The following PIGK variants were observed in gnomAD, a reference collection of about 807,000 sequenced individuals.
PIGK encodes GPI-anchor transamidase.
In PIGK, 42 loss-of-function variants were observed where a neutral mutation model predicts 50.6. The observed-to-expected ratio is 0.83, with a 90% CI of 0.65 to 1.07. The LOEUF (loss-of-function observed/expected upper bound fraction) is 1.07, where lower values mean the gene tolerates loss of function less well. PIGK is among the 50% of genes least tolerant of loss of function. The pLI, the probability that PIGK is intolerant of heterozygous loss-of-function variation, is 0.00. For missense variants in PIGK, 448 were observed against 488.7 expected, an observed-to-expected ratio of 0.92 and a Z score of 0.78; for synonymous variants, 151 against 156.0, an observed-to-expected ratio of 0.97 and a Z score of 0.24.
Position 77,161,614 on chromosome 1 carries a change from CT to C in PIGK, c.681del (p.Val228TrpfsTer41). The part of the protein sequence containing the change: ...SPNIMALASS[Q>X]VGEDSLSHQP... ...CATACCGAGAGTGAATCTTCTCCCACTTGACTACTAGCTAGAGCCATTATGT... is the reference window on the plus strand; with the variant it reads ...CATACCGAGAGTGAATCTTCTCCCACTGACTACTAGCTAGAGCCATTATGT... On this transcript the variant is annotated frameshift_variant, in exon 7 of 11. Transcript: ENST00000370812. LOFTEE classifies it high-confidence loss of function. The C allele has an allele frequency of 6.6e-7, 1 of 1,510,600 alleles. No individual in the cohort carries two copies. The highest frequency in any genetic ancestry group is 9.2e-7 in the Non-Finnish European group (1 of 1,085,518). 93.6% of individuals were successfully genotyped at this position (1,510,600 alleles called of 1,614,324 possible). A position where few individuals can be genotyped will look rare whatever the true frequency, so the allele number is the denominator to read the frequency against.
chr1:77,197,585 A>T (rs17100022), intron 3 of PIGK, among the ~76,000 whole-genome samples: 17,215 of 152,214 alleles, frequency 0.11, 1,325 homozygotes, highest in African/African-American at 0.21. Context: ...TTCTCGTCAC[A>T]TATATGCTTT....
At chr1:77,206,799 T>A (rs537178394) in intron 2 of PIGK, 68 bp from the exon 3 acceptor site, 171 of 914,520 alleles carry the variant, frequency 1.9e-4, no homozygotes, top group Non-Finnish European at 2.7e-4. Flanking sequence ...AGAGTATTTT[T>A]CTTTAAGTAG....
chr1:77,096,361 G>C (rs1219318190), intron 10 of PIGK, among the ~76,000 whole-genome samples: 4 of 152,108 alleles, frequency 2.6e-5, no homozygotes, highest in African/African-American at 9.7e-5. Context: ...GAAGCTGTCA[G>C]CAAGAGGTAG....
intron 3 of PIGK, among the ~76,000 whole-genome samples, chr1:77,199,837 A>G (rs911200948): frequency 3.9e-5 from 6 of 152,028 alleles, no homozygotes; most frequent in African/African-American, 1.4e-4. Context: ...TAACATTTAC[A>G]ATTAGAAAAT....
chr1:77,188,330 C>T lies in PIGK; in HGVS notation c.239+18310G>A, dbSNP rs79937013. 8.6e-5 allele frequency among the ~76,000 whole-genome samples: 13 copies of T among 152,040 alleles called. No homozygotes were observed. In the East Asian group the frequency reaches 1.9e-3, roughly 23 times the overall value. ...CTGGAGGTATAGGCTTATAAACAGC[C>T]CCCCCAGGTGCGCCTGTCTCTTATG... On this transcript the variant is annotated intron_variant, in intron 3 of 10. Coordinates refer to ENST00000370812, the MANE Select transcript of PIGK (RefSeq NM_005482.3).
chr1:77,095,775 G>C (rs1398287796), intron 10 of PIGK, among the ~76,000 whole-genome samples: 1 of 152,036 alleles, frequency 6.6e-6, no homozygotes, highest in East Asian at 1.9e-4. Context: ...GATGATCCTA[G>C]TTTAAGCCAC....
intron 6 of PIGK, among the ~76,000 whole-genome samples, chr1:77,162,458 G>A (rs1158905234): frequency 6.6e-6 from 1 of 152,116 alleles, no homozygotes; most frequent in Non-Finnish European, 1.5e-5. Flanking sequence ...GGAGAATGGA[G>A]GGAAATTGGT....
intron 2 of PIGK, 61 bp from the exon 3 acceptor site, chr1:77,206,792 G>GT (rs1258079657): frequency 3.1e-6 from 3 of 980,196 alleles, no homozygotes; most frequent in Non-Finnish European, 4.9e-6. Flanking sequence ...GAGCTGCAGA[G>GT]TATTTTTCTT....
At chr1:77,163,739 T>C in intron 6 of PIGK, 107 bp downstream of exon 6, 1 of 641,820 alleles carries the variant, frequency 1.6e-6, no homozygotes. Context: ...GTCAAAGAAA[T>C]TGTCAAAATA....
chr1:77,127,557 A>C (rs894314675), intron 9 of PIGK, among the ~76,000 whole-genome samples: 2 of 152,194 alleles, frequency 1.3e-5, no homozygotes, highest in South Asian at 2.1e-4. Flanking sequence ...AAAATTACAT[A>C]GTTTATTTCA....
intron 1 of PIGK, among the ~76,000 whole-genome samples, chr1:77,211,619 A>G (rs1656423894): frequency 6.6e-6 from 1 of 152,020 alleles, no homozygotes; most frequent in Non-Finnish European, 1.5e-5. Flanking sequence ...AAACAAAATT[A>G]TCACTCTTTG....
chr1:77,094,954 T>C (rs946453292), intron 10 of PIGK, among the ~76,000 whole-genome samples: 1 of 152,160 alleles, frequency 6.6e-6, no homozygotes, highest in Non-Finnish European at 1.5e-5. Context: ...AAGAAATATA[T>C]GTAATTTCTG....
At chr1:77,210,158 T>G (rs1413510169) in intron 2 of PIGK, among the ~76,000 whole-genome samples, 1 of 152,064 alleles carries the variant, frequency 6.6e-6, no homozygotes, top group Non-Finnish European at 1.5e-5. Context: ...CATTAAAATA[T>G]TTCTACCTCT....
chr1:77,192,824 C>T (rs929301237), intron 3 of PIGK, among the ~76,000 whole-genome samples: 1 of 152,052 alleles, frequency 6.6e-6, no homozygotes, highest in Non-Finnish European at 1.5e-5. Flanking sequence ...TACATTAGTC[C>T]TAAAAATAAG....
intron 1 of PIGK, among the ~76,000 whole-genome samples, chr1:77,215,463 T>C (rs1194033681): frequency 1.3e-5 from 2 of 152,176 alleles, no homozygotes; most frequent in Admixed American, 1.3e-4. Context: ...TCTTATACAC[T>C]GCTGGTGGGA....
At chr1:77,104,655 A>G (rs1653623731) in intron 10 of PIGK, among the ~76,000 whole-genome samples, 1 of 152,182 alleles carries the variant, frequency 6.6e-6, no homozygotes, top group Non-Finnish European at 1.5e-5. Context: ...TAAAACCAAT[A>G]ATGACACAGG....
chr1:77,184,010 G>C (rs1261500756), intron 3 of PIGK, among the ~76,000 whole-genome samples: 3 of 152,190 alleles, frequency 2.0e-5, no homozygotes, highest in Non-Finnish European at 4.4e-5. Flanking sequence ...TGTCAGATCT[G>C]ACAGTGGGAA....
Position 77,126,621 on chromosome 1 carries a change from CATT to C in PIGK, c.987-4265_987-4263del, listed in dbSNP as rs1309857447. On this transcript the variant is annotated intron_variant, in intron 9 of 10. Transcript: ENST00000370812. ...ACTCTGTCCTTTGCAAGGTGTCTTCCATTATCCCAGAATTCATGGTTTCCCAAG... is the reference window on the plus strand; with the variant it reads ...ACTCTGTCCTTTGCAAGGTGTCTTCCATCCCAGAATTCATGGTTTCCCAAG... 5.3e-5 allele frequency among the ~76,000 whole-genome samples: 8 copies of C among 152,264 alleles called. No individual in the cohort carries two copies. The East Asian group carries it at 1.5e-3, about 29-fold the overall frequency.
chr1:77,146,211 A>G (rs922181262), intron 9 of PIGK, among the ~76,000 whole-genome samples: 15 of 152,214 alleles, frequency 9.9e-5, no homozygotes, highest in African/African-American at 3.6e-4. Flanking sequence ...TCACAGACCT[A>G]CACATAAAAG....
Sources: gnomAD v4.1 joint callset for allele counts (sites outside exome capture counted in the v4.1 genomes callset) on GRCh38, gnomAD v4.1.1 for gene constraint, MANE v1.5 for transcripts, NCBI Gene and HGNC (gene_info 2026-07-23, HGNC 2026-07-21) for gene names.